Variants in CWC27 observed in about 807,000 individuals in gnomAD.
CWC27 encodes the protein spliceosome-associated protein CWC27 homolog.
In CWC27, 47 loss-of-function variants were observed where a neutral mutation model predicts 63.6. The observed-to-expected ratio is 0.74, with a 90% CI of 0.58 to 0.94. The LOEUF is 0.94. Among genes scored for constraint, CWC27 ranks in the 40% least tolerant of loss-of-function variants. The pLI is 0.00. For missense variants in CWC27, 495 were observed against 554.3 expected (o/e 0.89, Z 1.07); for synonymous variants, 175 against 179.8 (o/e 0.97, Z 0.22).
intron 10 of CWC27, among the ~76,000 whole-genome samples, chr5:64,809,018 T>C (rs1744785307): frequency 6.6e-6 from 1 of 152,170 alleles, no homozygotes; most frequent in Admixed American, 6.6e-5. Flanking sequence ...ACAAACTAAA[T>C]ATATCCATAT....
intron 10 of CWC27, among the ~76,000 whole-genome samples, chr5:64,858,964 A>G (rs1471745724): frequency 6.6e-6 from 1 of 152,252 alleles, no homozygotes; most frequent in Non-Finnish European, 1.5e-5. Flanking sequence ...ATAGCAGTTC[A>G]TAATAGCCAA....
intron 7 of CWC27, among the ~76,000 whole-genome samples, chr5:64,793,577 G>A (rs1436102766): frequency 6.6e-6 from 1 of 152,054 alleles, no homozygotes; most frequent in African/African-American, 2.4e-5. Flanking sequence ...GGAAAACTGT[G>A]GCTAATAGAA....
At chr5:64,840,818 CATAAGGGGCT>C (rs1745814244) in intron 10 of CWC27, among the ~76,000 whole-genome samples, 1 of 152,042 alleles carries the variant, frequency 6.6e-6, no homozygotes, top group South Asian at 2.1e-4. Flanking sequence ...GAGGCCGGAT[CATAAGGGGCT>C]AATCAAGGCA....
chr5:64,974,426 G>C (rs957249986), intron 12 of CWC27, among the ~76,000 whole-genome samples: 4 of 152,168 alleles, frequency 2.6e-5, no homozygotes, highest in Admixed American at 2.6e-4. Context: ...GTGGTGGCAA[G>C]AGAGAATGAG....
At chr5:64,939,086 C>T (rs759172472) in intron 11 of CWC27, among the ~76,000 whole-genome samples, 18 of 152,048 alleles carry the variant, frequency 1.2e-4, no homozygotes, top group African/African-American at 4.3e-4. Flanking sequence ...TGTTATTACC[C>T]GCCTTCTGAA....
At chr5:64,883,880 G>T (rs1747003919) in intron 10 of CWC27, among the ~76,000 whole-genome samples, 2 of 152,172 alleles carry the variant, frequency 1.3e-5, no homozygotes, top group African/African-American at 4.8e-5. Context: ...GGGAGTGTTT[G>T]AAATTGTAAA....
chr5:64,892,463 A>G (rs1410171091), intron 11 of CWC27, among the ~76,000 whole-genome samples: 2 of 152,192 alleles, frequency 1.3e-5, no homozygotes, highest in Non-Finnish European at 1.5e-5. Context: ...AAGAAAGATT[A>G]CCCCATAATA....
chr5:64,852,213 T>A (rs1746148605), intron 10 of CWC27, among the ~76,000 whole-genome samples: 1 of 152,214 alleles, frequency 6.6e-6, no homozygotes, highest in Admixed American at 6.5e-5. Context: ...TTTGGTCATG[T>A]TTTTATGTGC....
chr5:64,924,956 G>GACACACACACACACACACACAC, intron 11 of CWC27, among the ~76,000 whole-genome samples: 1 of 145,466 alleles, frequency 6.9e-6, no homozygotes, highest in African/African-American at 2.5e-5. Flanking sequence ...GTCTTTCTTA[G>GACACACACACACACACACACAC]ACACACACAC....
chr5:64,963,664 T>G (rs778157453), intron 11 of CWC27, among the ~76,000 whole-genome samples: 6 of 152,226 alleles, frequency 3.9e-5, no homozygotes, highest in Non-Finnish European at 7.3e-5. Flanking sequence ...GTAAAGTGTT[T>G]GAGTTACAGT....
chr5:64,974,565 C>T (rs897853949), intron 12 of CWC27, among the ~76,000 whole-genome samples: 1 of 152,160 alleles, frequency 6.6e-6, no homozygotes, highest in African/African-American at 2.4e-5. Context: ...CCTCCCATAA[C>T]ACATGGGAAT....
At chr5:64,782,174 G>A in intron 3 of CWC27, 141 bp downstream of exon 3, 2 of 469,882 alleles carry the variant, frequency 4.3e-6, no homozygotes, top group Non-Finnish European at 7.6e-6. Flanking sequence ...CAGGCTGGGT[G>A]CAGTAGCTCA....
chr5:64,817,543 C>G (rs893824322), intron 10 of CWC27, among the ~76,000 whole-genome samples: 1 of 152,140 alleles, frequency 6.6e-6, no homozygotes, highest in Non-Finnish European at 1.5e-5. Context: ...CATTAATCTT[C>G]TAAATGAGTG....
intron 10 of CWC27, among the ~76,000 whole-genome samples, chr5:64,880,115 C>T (rs1746901374): frequency 6.6e-6 from 1 of 151,950 alleles, no homozygotes; most frequent in African/African-American, 2.4e-5. Context: ...GTGAGGCCAT[C>T]TCTTATTTGT....
At chr5:64,982,815 G>A (rs1749353086) in intron 13 of CWC27, among the ~76,000 whole-genome samples, 1 of 152,278 alleles carries the variant, frequency 6.6e-6, no homozygotes, top group Non-Finnish European at 1.5e-5. Context: ...CCAGACTGCA[G>A]ACTGGTACTG....
At chr5:64,973,408 C>A (rs1337861191) in intron 12 of CWC27, among the ~76,000 whole-genome samples, 1 of 152,172 alleles carries the variant, frequency 6.6e-6, no homozygotes, top group African/African-American at 2.4e-5. Flanking sequence ...TATGCATAAA[C>A]AGAGTATGCC....
chr5:64,839,810 C>T (rs1745754620), intron 10 of CWC27, among the ~76,000 whole-genome samples: 1 of 151,826 alleles, frequency 6.6e-6, no homozygotes, highest in African/African-American at 2.4e-5. Flanking sequence ...GATTAAAGCT[C>T]TTGAAAAAAA....
intron 13 of CWC27, among the ~76,000 whole-genome samples, chr5:65,015,820 A>C (rs1750039244): frequency 1.3e-5 from 2 of 152,116 alleles, no homozygotes; most frequent in Non-Finnish European, 2.9e-5. Flanking sequence ...TGGGGTCAGG[A>C]ATTGTTTAGG....
chr5:64,802,107 A>G (rs1367074820), intron 9 of CWC27, among the ~76,000 whole-genome samples: 2 of 152,202 alleles, frequency 1.3e-5, no homozygotes, highest in Admixed American at 1.3e-4. Flanking sequence ...TAAGTCAGAA[A>G]AGAAAGTGAT....
Sources: gnomAD v4.1 joint callset for allele counts (sites outside exome capture counted in the v4.1 genomes callset) on GRCh38, gnomAD v4.1.1 for gene constraint, MANE v1.5 for transcripts, NCBI Gene and HGNC (gene_info 2026-07-23, HGNC 2026-07-21) for gene names.